The following SLC39A8 variants were observed in gnomAD, a reference collection of about 807,000 sequenced individuals.
SLC39A8 encodes the protein metal cation symporter ZIP8.
SLC39A8 carries 15 observed loss-of-function variants against 40.4 expected under a neutral mutation model. That is an observed-to-expected ratio of 0.37 (90% confidence interval 0.25 to 0.57). The LOEUF (loss-of-function observed/expected upper bound fraction) is 0.57, where lower values mean the gene tolerates loss of function less well. Among genes scored for constraint, SLC39A8 ranks in the 20% least tolerant of loss-of-function variants. The probability of loss-of-function intolerance (pLI) is 0.75; values close to 1 mark genes in which losing one functional copy is unlikely to be tolerated. For missense variants in SLC39A8, 472 were observed against 558.8 expected, an observed-to-expected ratio of 0.84 and a Z score of 1.57; for synonymous variants, 223 against 221.6, an observed-to-expected ratio of 1.01 and a Z score of -0.06.
intron 2 of SLC39A8, among the ~76,000 whole-genome samples, chr4:102,339,598 A>G (rs1042398776): frequency 2.6e-5 from 4 of 152,214 alleles, no homozygotes; most frequent in African/African-American, 9.6e-5. Context: ...GAAGAGATCT[A>G]GCAATACTTA....
chr4:102,304,307 T>A lies in SLC39A8; in HGVS notation c.840+10A>T. 1 of 1,600,738 alleles carries A rather than the reference T, an allele frequency of 6.2e-7. No homozygotes were observed. Among genetic ancestry groups the A allele is most frequent in the Non-Finnish European group, 8.5e-7 (1 of 1,170,566 alleles). On this transcript the variant is annotated intron_variant, in intron 6 of 8. Transcript: ENST00000356736. ...CAGTATAATGAAGGAAAAATGGAAT[T>A]AACATATACCTGTAGAGATACCACA...
chr4:102,293,656 C>A (rs1331940079), intron 6 of SLC39A8, among the ~76,000 whole-genome samples: 1 of 151,896 alleles, frequency 6.6e-6, no homozygotes, highest in East Asian at 1.9e-4. Flanking sequence ...AGAAATCTAA[C>A]AGAATATTTT....
In SLC39A8 at chr4:102,263,097, A is replaced by C. The variant is rs1323559361; in HGVS notation, c.1330T>G (p.Phe444Val). ...MIQNAGMLTG[F>V]TAILLITLYA... ...AAGGTAATGAGTAGAATGGCTGTGA[A>C]TCCAGTTAACATTCCAGCATTCTGA... Residue 444 changes from phenylalanine (F) to valine (V), a missense_variant, in exon 9 of 9, where the codon TTC (phenylalanine) becomes GTC (valine). Phe to Val is a conservative substitution (Grantham distance 50). This residue lies in a region of SLC39A8 where 50 missense variants were observed against 50.5 expected (regional missense o/e 0.99). Transcript: ENST00000356736. The C allele has an allele frequency of 2.5e-6, 4 of 1,613,730 alleles. No homozygotes were observed. In the South Asian group the frequency reaches 4.4e-5, roughly 18 times the overall value.
chr4:102,282,638 A>C (rs948155733), intron 6 of SLC39A8, among the ~76,000 whole-genome samples: 2 of 152,112 alleles, frequency 1.3e-5, no homozygotes, highest in African/African-American at 2.4e-5. Flanking sequence ...TGCTGAATTA[A>C]GTAGAGAAAT....
chr4:102,308,838 T>G (rs1352653012), intron 3 of SLC39A8, among the ~76,000 whole-genome samples: 1 of 152,074 alleles, frequency 6.6e-6, no homozygotes, highest in Admixed American at 6.5e-5. Flanking sequence ...TATGTCAACT[T>G]ATTTGAACCT....
At chr4:102,275,125 T>G (rs893570390) in intron 6 of SLC39A8, among the ~76,000 whole-genome samples, 1 of 151,788 alleles carries the variant, frequency 6.6e-6, no homozygotes, top group African/African-American at 2.4e-5. Flanking sequence ...TGTAAATGGG[T>G]TAAATGGCCC....
At chr4:102,298,345 TGAGA>T (rs1733765597) in intron 6 of SLC39A8, among the ~76,000 whole-genome samples, 1 of 151,966 alleles carries the variant, frequency 6.6e-6, no homozygotes, top group Non-Finnish European at 1.5e-5. Flanking sequence ...ATAGACCCAG[TGAGA>T]GAGAAATTCC....
chr4:102,278,912 G>A (rs912883042), intron 6 of SLC39A8, among the ~76,000 whole-genome samples: 11 of 151,746 alleles, frequency 7.2e-5, no homozygotes, highest in African/African-American at 1.7e-4. Context: ...ACCAAACACC[G>A]CATGTTCTCA....
chr4:102,268,110 ACATTT>A, intron 6 of SLC39A8, 31 bp from the exon 7 acceptor site: 1 of 1,606,428 alleles, frequency 6.2e-7, no homozygotes, highest in African/African-American at 1.3e-5. Context: ...ATGATAACCA[ACATTT>A]CTTGAAAGTC....
chr4:102,339,913 T>C (rs567708776), intron 2 of SLC39A8, among the ~76,000 whole-genome samples: 1 of 152,352 alleles, frequency 6.6e-6, no homozygotes, highest in Non-Finnish European at 1.5e-5. Flanking sequence ...TGTTCCATTA[T>C]TGAAACACTA....
chr4:102,278,552 T>TTATGTGGCCAAAAAATATATGA (rs1732726744), intron 6 of SLC39A8, among the ~76,000 whole-genome samples: 1 of 152,076 alleles, frequency 6.6e-6, no homozygotes, highest in African/African-American at 2.4e-5. Flanking sequence ...GAGTATAAAT[T>TTATGTGGCCAAAAAATATATGA]AGTTCAACCA....
rs562541067 is a variant in SLC39A8 at position 102,274,935 on chromosome 4, A to G, written c.841-6856T>C. 5.8e-4 allele frequency among the ~76,000 whole-genome samples: 88 copies of G among 152,316 alleles called. 2 individuals are homozygous for G. In the South Asian group the frequency reaches 0.018, roughly 31 times the overall value. On this transcript the variant is annotated intron_variant, in intron 6 of 8. Transcript: ENST00000356736. ...TTTGTCACCACCAGGCCTGCCTTAC[A>G]AGAGCTCTGAAGGAAGCAGTAAATA...
intron 6 of SLC39A8, among the ~76,000 whole-genome samples, chr4:102,278,552 T>TTATGTGGCCAAAAAACATATGAAA (rs1732726744): frequency 6.6e-6 from 1 of 152,062 alleles, no homozygotes; most frequent in Non-Finnish European, 1.5e-5. Flanking sequence ...GAGTATAAAT[T>TTATGTGGCCAAAAAACATATGAAA]AGTTCAACCA....
chr4:102,293,815 T>C (rs905502925), intron 6 of SLC39A8, among the ~76,000 whole-genome samples: 1 of 151,802 alleles, frequency 6.6e-6, no homozygotes, highest in African/African-American at 2.4e-5. Flanking sequence ...AAGACAACTT[T>C]TAGTGAAAAA....
intron 6 of SLC39A8, among the ~76,000 whole-genome samples, chr4:102,287,510 C>T (rs1490629715): frequency 6.6e-6 from 1 of 152,074 alleles, no homozygotes; most frequent in Non-Finnish European, 1.5e-5. Context: ...GACCATTTCG[C>T]TTTCATCATG....
chr4:102,259,727 T>C (rs916525204), downstream of SLC39A8, among the ~76,000 whole-genome samples: 39 of 152,228 alleles, frequency 2.6e-4, no homozygotes, highest in Non-Finnish European at 4.3e-4. Flanking sequence ...GCAGACTGTT[T>C]CTGCTTTACC....
At chr4:102,339,360 TGTCCATA>T (rs1199117005) in intron 2 of SLC39A8, among the ~76,000 whole-genome samples, 1 of 151,888 alleles carries the variant, frequency 6.6e-6, no homozygotes, top group African/African-American at 2.4e-5. Flanking sequence ...TTATCTCTTC[TGTCCATA>T]GTCAGTGCTT....
rs187703756 is a variant in SLC39A8, at chr4:102,273,263, G to A, written c.841-5184C>T. On this transcript the variant is annotated intron_variant, in intron 6 of 8. Transcript: ENST00000356736. ...GGGGCACTCGAGCTTGGTGTGGGGA[G>A]GGGCATCTGCCATTACTGAGGCTTG... Among the ~76,000 whole-genome samples the A allele has an allele frequency of 3.2e-3, 486 of 152,302 alleles. 7 individuals carry two copies. Among genetic ancestry groups the A allele is most frequent in the African/African-American group, 0.011 (440 of 41,572 alleles).
At chr4:102,308,985 C>T (rs958414621) in intron 3 of SLC39A8, among the ~76,000 whole-genome samples, 1 of 152,070 alleles carries the variant, frequency 6.6e-6, no homozygotes, top group African/African-American at 2.4e-5. Flanking sequence ...GGCTCCCAGG[C>T]CCACATTTTT....
Sources: gnomAD v4.1 joint callset for allele counts (sites outside exome capture counted in the v4.1 genomes callset) on GRCh38, gnomAD v4.1.1 for gene constraint, gnomAD v4.1.1 regional missense constraint, MANE v1.5 for transcripts, NCBI Gene and HGNC (gene_info 2026-07-23, HGNC 2026-07-21) for gene names.